The following UAP1 variants were observed in gnomAD, a reference collection of about 807,000 sequenced individuals.
UAP1 encodes UDP-N-acetylhexosamine pyrophosphorylase.
UAP1 carries 25 observed loss-of-function variants against 58.5 expected under a neutral mutation model. The observed-to-expected ratio is 0.43, with a 90% CI of 0.31 to 0.60. UAP1 has a LOEUF of 0.60. Ranked by LOEUF, UAP1 falls within the 20% of genes least tolerant of loss-of-function variation. The pLI is 0.11. For missense variants in UAP1, 575 were observed against 630.0 expected, an observed-to-expected ratio of 0.91 and a Z score of 0.93; for synonymous variants, 208 against 213.0, an observed-to-expected ratio of 0.98 and a Z score of 0.21.
At chr1:162,589,206 T>A (rs1366814970) in intron 7 of UAP1, among the ~76,000 whole-genome samples, 91 of 40,866 alleles carry the variant, frequency 2.2e-3, no homozygotes, top group African/African-American at 6.1e-3. Context: ...ATATTATATT[T>A]AAATATATAT....
intron 3 of UAP1, among the ~76,000 whole-genome samples, chr1:162,578,563 A>C (rs945180473): frequency 1.3e-5 from 2 of 152,090 alleles, no homozygotes; most frequent in Admixed American, 6.6e-5. Flanking sequence ...CTGGCCTCCT[A>C]CTATCATGTT....
At chr1:162,590,044 T>TC (rs398103298) in intron 7 of UAP1, among the ~76,000 whole-genome samples, 3 of 151,756 alleles carry the variant, frequency 2.0e-5, no homozygotes, top group Non-Finnish European at 4.4e-5. Flanking sequence ...TTTTTTTTTT[T>TC]CCAGAACAGA....
chr1:162,589,741 C>T lies in UAP1; in HGVS notation c.1170-582C>T, dbSNP rs745653362. Among the ~76,000 whole-genome samples the T allele has an allele frequency of 1.4e-4, 21 of 152,126 alleles. No individual in the cohort carries two copies. In the Middle Eastern group the frequency reaches 0.014, roughly 99 times the overall value. On this transcript the variant is annotated intron_variant, in intron 7 of 10. Transcript: ENST00000271469. The stretch of plus-strand genomic sequence containing the variant: ...ATTCCAGCAGTTTGGGAGGCTGAGG[C>T]GGGTGGATGACTTGAGGCCAAGGAG...
At chr1:162,582,206 A>G (rs540202367) in intron 5 of UAP1, among the ~76,000 whole-genome samples, 1 of 152,330 alleles carries the variant, frequency 6.6e-6, no homozygotes, top group African/African-American at 2.4e-5. Flanking sequence ...CATCAAAAAC[A>G]GTGTAATAAA....
At chr1:162,600,776 T>C (rs1655869046), downstream of UAP1, among the ~76,000 whole-genome samples, 1 of 152,166 alleles carries the variant, frequency 6.6e-6, no homozygotes, top group Admixed American at 6.5e-5. Context: ...AATTTTGCTA[T>C]TGTTATCTAT....
chr1:162,575,586 C>A (rs1212769852), intron 2 of UAP1, among the ~76,000 whole-genome samples: 1 of 151,796 alleles, frequency 6.6e-6, no homozygotes, highest in Non-Finnish European at 1.5e-5. Flanking sequence ...CATGCACCAC[C>A]ATGCCTGGCT....
intron 9 of UAP1, among the ~76,000 whole-genome samples, chr1:162,596,881 T>A (rs1173860829): frequency 6.6e-6 from 1 of 152,216 alleles, no homozygotes; most frequent in Non-Finnish European, 1.5e-5. Flanking sequence ...AGAGGTCTAA[T>A]GACTGCAAAC....
intron 1 of UAP1, among the ~76,000 whole-genome samples, chr1:162,563,655 G>T (rs541151985): frequency 6.6e-6 from 1 of 152,304 alleles, no homozygotes; most frequent in Non-Finnish European, 1.5e-5. Flanking sequence ...GAGCCACCGC[G>T]CCCGGCCCTA....
intron 1 of UAP1, among the ~76,000 whole-genome samples, chr1:162,562,820 T>A (rs1653245073): frequency 6.6e-6 from 1 of 152,158 alleles, no homozygotes; most frequent in Non-Finnish European, 1.5e-5. Context: ...CTGATACTGT[T>A]TTTCAAAAGC....
chr1:162,577,435 CTTTTTTTTTTTTTTTTT>C (rs67627704), intron 3 of UAP1, among the ~76,000 whole-genome samples: 9 of 95,240 alleles, frequency 9.4e-5, no homozygotes, highest in Admixed American at 5.9e-4. Context: ...AGTTCCTTCC[CTTTTTTTTTTTTTTTTT>C]TTTTTTTTTT....
At chr1:162,594,773 C>T (rs1392049929) in intron 9 of UAP1, among the ~76,000 whole-genome samples, 4 of 152,180 alleles carry the variant, frequency 2.6e-5, no homozygotes, top group Non-Finnish European at 5.9e-5. Context: ...ATTATTCTTA[C>T]TCTTTTGTTT....
rs377485855 is a variant in UAP1, at chr1:162,574,695, A to G, written c.281-2082A>G. On this transcript the variant is annotated intron_variant, in intron 2 of 10. Coordinates refer to ENST00000271469, the Ensembl canonical transcript of UAP1. ...GTTTTTCTAGCTTGCCAGAGACCCAATTTCCACATAGCCTCTTCTCACAAG... is the reference window on the plus strand; with the variant it reads ...GTTTTTCTAGCTTGCCAGAGACCCAGTTTCCACATAGCCTCTTCTCACAAG... Among the ~76,000 whole-genome samples the G allele has an allele frequency of 4.5e-4, 69 of 152,248 alleles. 1 individual carries two copies. In the South Asian group the frequency reaches 8.3e-3, roughly 18 times the overall value.
chr1:162,599,212 C>T, intron 10 of UAP1, 59 bp from the exon 11 acceptor site: 2 of 1,124,500 alleles, frequency 1.8e-6, no homozygotes, highest in Non-Finnish European at 1.3e-6. Context: ...ATAGCAAGTC[C>T]AGCACTGCAT....
chr1:162,590,192 A>C lies in UAP1; in HGVS notation c.1170-131A>C, dbSNP rs1571087802. The C allele has an allele frequency of 8.6e-5, 59 of 682,936 alleles. No homozygotes were observed. The East Asian group carries it at 1.7e-3, about 20-fold the overall frequency. The allele number at this position is 682,936 out of a possible 1,614,324, so 42.3% of individuals were successfully genotyped here. On this transcript the variant is annotated intron_variant, in intron 7 of 10. Transcript: ENST00000271469. ...AGCTTTCTTTAGTCCAAGGGTGAGC[A>C]ATATTTTATTCATCATTCAGATTGG...
chr1:162,574,093 C>CTTTT (rs1204675147), intron 2 of UAP1, among the ~76,000 whole-genome samples: 6 of 134,912 alleles, frequency 4.4e-5, no homozygotes, highest in Admixed American at 7.4e-5. Context: ...CTTTTCTTTT[C>CTTTT]TTTTTTTTTT....
Position 162,590,518 on chromosome 1 carries a change from C to T in UAP1, c.1358+7C>T. 1 of 1,594,168 alleles carries T rather than the reference C, an allele frequency of 6.3e-7. No homozygotes were observed. The highest frequency in any genetic ancestry group is 1.1e-5 in the South Asian group (1 of 87,178). On this transcript the variant is annotated splice_region_variant and intron_variant, in intron 8 of 10. Coordinates refer to ENST00000271469, the Ensembl canonical transcript of UAP1. ...GCCTTCCAGCAATTCCCCGGTAAGT[C>T]AGTATCTTTTCTCTTTTGTATGAAT... is the stretch of plus-strand genomic sequence containing the variant.
intron 4 of UAP1, 56 bp from the exon 5 acceptor site, chr1:162,581,231 G>T: frequency 6.6e-7 from 1 of 1,519,958 alleles, no homozygotes; most frequent in East Asian, 2.3e-5. Context: ...AACAATCTTT[G>T]TGTTACCTTT....
intron 2 of UAP1, among the ~76,000 whole-genome samples, chr1:162,567,567 C>G (rs1653594983): frequency 6.6e-6 from 1 of 152,160 alleles, no homozygotes; most frequent in Admixed American, 6.5e-5. Flanking sequence ...AAAATGTTGA[C>G]TAAATATTGT....
At chr1:162,581,217 T>C (rs1654566448) in intron 4 of UAP1, 70 bp from the exon 5 acceptor site, 1 of 1,491,256 alleles carries the variant, frequency 6.7e-7, no homozygotes, top group Non-Finnish European at 9.0e-7. Context: ...AACCCTAGTT[T>C]GGAAACAATC....
Sources: allele counts gnomAD v4.1 joint callset (sites outside exome capture counted in the v4.1 genomes callset), GRCh38; gene constraint gnomAD v4.1.1; transcripts MANE v1.5; gene names NCBI Gene and HGNC (gene_info 2026-07-23, HGNC 2026-07-21).